The following PTPRN2 variants were observed in gnomAD, a reference collection of about 807,000 sequenced individuals.
PTPRN2 encodes the protein protein tyrosine phosphatase receptor type N2.
In PTPRN2, 74 loss-of-function variants were observed where a neutral mutation model predicts 118.8. The observed-to-expected ratio is 0.62, with a 90% confidence interval of 0.52 to 0.76. PTPRN2 has a LOEUF of 0.76. Ranked by LOEUF, PTPRN2 falls within the 30% of genes least tolerant of loss-of-function variation. The pLI is 0.00. For missense variants in PTPRN2, 1,481 were observed against 1,394.4 expected (o/e 1.06, Z -0.99); for synonymous variants, 641 against 608.0 (o/e 1.05, Z -0.80).
At chr7:157,957,278 T>C (rs4268003) in intron 11 of PTPRN2, among the ~76,000 whole-genome samples, 125,890 of 152,198 alleles carry the variant, frequency 0.83, 52,652 homozygotes, top group East Asian at 0.9. Context: ...ACAGCAACAG[T>C]GCATCCTAAC....
chr7:157,752,118 C>T (rs908350677), intron 12 of PTPRN2, among the ~76,000 whole-genome samples: 17 of 152,222 alleles, frequency 1.1e-4, no homozygotes, highest in African/African-American at 3.4e-4. Flanking sequence ...CCTCCACACG[C>T]ACTCACGAGG....
intron 21 of PTPRN2, among the ~76,000 whole-genome samples, chr7:157,555,273 T>G (rs952997409): frequency 2.7e-5 from 4 of 150,786 alleles, no homozygotes; most frequent in African/African-American, 4.9e-5. Flanking sequence ...CAACAGAGGG[T>G]TTTTTTTTAG....
intron 6 of PTPRN2, among the ~76,000 whole-genome samples, chr7:158,164,216 G>C (rs1370083708): frequency 6.7e-6 from 1 of 149,152 alleles, no homozygotes; most frequent in African/African-American, 2.6e-5. Context: ...ACACAGAACA[G>C]GAGCGCGCAG....
intron 12 of PTPRN2, among the ~76,000 whole-genome samples, chr7:157,765,294 ACCATCCAT>A (rs1055550188): frequency 3.2e-5 from 4 of 125,528 alleles, no homozygotes; most frequent in Admixed American, 8.0e-5. Context: ...CACCCATCCA[ACCATCCAT>A]CCATCTTTCC....
rs571555899 is a variant in PTPRN2, at chr7:157,612,801, C to T, written c.2344+8561G>A. ...GCTCGCGGGAGCAACTCACTTCCGC[C>T]GCACGGGAGGGGTCGCGGTCAAAGG... is the stretch of plus-strand genomic sequence containing the variant. On this transcript the variant is annotated intron_variant, in intron 15 of 22. Transcript: ENST00000389418. 2.1e-4 allele frequency among the ~76,000 whole-genome samples: 32 copies of T among 150,098 alleles called. No homozygotes were observed. The East Asian group carries it at 4.1e-3, about 19-fold the overall frequency.
At chr7:157,901,027 G>A (rs538064603) in intron 11 of PTPRN2, among the ~76,000 whole-genome samples, 5 of 152,350 alleles carry the variant, frequency 3.3e-5, no homozygotes, top group African/African-American at 1.2e-4. Context: ...GTCTGCATCT[G>A]AGGATGCCCC....
chr7:157,701,333 C>T (rs1005548771), intron 12 of PTPRN2, among the ~76,000 whole-genome samples: 1 of 152,172 alleles, frequency 6.6e-6, no homozygotes, highest in Non-Finnish European at 1.5e-5. Context: ...CTGAGCTCCG[C>T]GGGTCTCCGC....
intron 13 of PTPRN2, among the ~76,000 whole-genome samples, chr7:157,668,197 A>C (rs1408565839): frequency 1.3e-5 from 2 of 152,258 alleles, no homozygotes; most frequent in African/African-American, 4.8e-5. Flanking sequence ...CACAATGTGC[A>C]AAATAAGCTG....
At position 158,330,963 on chromosome 7, in the gene PTPRN2, C is replaced by A. The variant is rs531339129; in HGVS notation, c.164-14031G>T. Among the ~76,000 whole-genome samples the A allele has an allele frequency of 6.1e-5, 7 of 115,388 alleles. 1 individual carries two copies. The highest frequency in any genetic ancestry group is 2.3e-4 in the African/African-American group (7 of 30,122). The allele number at this position is 115,388 out of a possible 152,430, so 75.7% of individuals were successfully genotyped here. ...CACGATAAGAGCTGTCACACGCAGA[C>A]GACACTCACACCCACACTCTCACCA... On this transcript the variant is annotated intron_variant, in intron 2 of 22. Coordinates refer to ENST00000389418, the MANE Select transcript of PTPRN2 (RefSeq NM_002847.5).
intron 11 of PTPRN2, among the ~76,000 whole-genome samples, chr7:157,935,895 G>T (rs1461143507): frequency 1.4e-5 from 2 of 145,896 alleles, no homozygotes; most frequent in African/African-American, 5.1e-5. Flanking sequence ...CTCAGCATCT[G>T]TGTCGCTCCC....
intron 11 of PTPRN2, among the ~76,000 whole-genome samples, chr7:157,968,778 T>C (rs1802117036): frequency 6.6e-6 from 1 of 152,126 alleles, no homozygotes; most frequent in Non-Finnish European, 1.5e-5. Flanking sequence ...TTTATTGCTG[T>C]GTGTAGAGTG....
At chr7:158,334,423 GTCAC>G (rs1260013179) in intron 2 of PTPRN2, among the ~76,000 whole-genome samples, 1 of 62,880 alleles carries the variant, frequency 1.6e-5, no homozygotes, top group Non-Finnish European at 3.3e-5. Context: ...ACCTGCAGAC[GTCAC>G]TCACACCCAC....
At chr7:158,407,211 C>T (rs1419322772) in intron 2 of PTPRN2, among the ~76,000 whole-genome samples, 56 of 29,542 alleles carry the variant, frequency 1.9e-3, no homozygotes, top group African/African-American at 5.7e-3. Context: ...GTCCTGGGTC[C>T]TGCGTCCTGC....
chr7:157,710,678 C>G (rs1798565563), intron 12 of PTPRN2, among the ~76,000 whole-genome samples: 1 of 152,218 alleles, frequency 6.6e-6, no homozygotes, highest in African/African-American at 2.4e-5. Context: ...TTCAGCCCTG[C>G]CATCTGTACG....
intron 8 of PTPRN2, among the ~76,000 whole-genome samples, chr7:158,136,074 G>A (rs1323277473): frequency 6.6e-6 from 1 of 152,256 alleles, no homozygotes; most frequent in Non-Finnish European, 1.5e-5. Context: ...GAGCAGCAGT[G>A]CCCACGGGGG....
At position 158,323,931 on chromosome 7, in the gene PTPRN2, ACACT is replaced by A. The variant is rs1415931862; in HGVS notation, c.164-7003_164-7000del. Among the ~76,000 whole-genome samples, 9 of 151,770 alleles carry A rather than the reference ACACT, an allele frequency of 5.9e-5. 1 individual carries two copies. In the South Asian group the frequency reaches 1.5e-3, roughly 25 times the overall value. ...ATGCACGGGACACTCACACATACAC[ACACT>A]CACACGCACCCACGTGAACATTCCA... On this transcript the variant is annotated intron_variant, in intron 2 of 22. Transcript: ENST00000389418.
chr7:158,232,736 G>A (rs988902248), intron 3 of PTPRN2, among the ~76,000 whole-genome samples: 8 of 152,040 alleles, frequency 5.3e-5, no homozygotes, highest in East Asian at 3.8e-4. Context: ...CAACATGATC[G>A]AGTGGGATTC....
At chr7:157,597,357 G>A (rs1312593399) in intron 16 of PTPRN2, among the ~76,000 whole-genome samples, 2 of 152,104 alleles carry the variant, frequency 1.3e-5, no homozygotes, top group Non-Finnish European at 2.9e-5. Context: ...GCAGAAATAA[G>A]TTTTGATTTT....
intron 19 of PTPRN2, among the ~76,000 whole-genome samples, chr7:157,576,155 C>T (rs1469079186): frequency 1.3e-5 from 2 of 152,110 alleles, no homozygotes; most frequent in African/African-American, 4.8e-5. Flanking sequence ...CAAAATAGCC[C>T]TAAAAATACA....
Sources: allele counts gnomAD v4.1 joint callset (sites outside exome capture counted in the v4.1 genomes callset), GRCh38; gene constraint gnomAD v4.1.1; transcripts MANE v1.5; gene names NCBI Gene and HGNC (gene_info 2026-07-23, HGNC 2026-07-21).